The following SGCZ variants were observed in gnomAD, a reference collection of about 807,000 sequenced individuals.
The protein encoded by SGCZ is sarcoglycan zeta, also known as zeta-sarcoglycan.
SGCZ carries 40 observed loss-of-function variants against 41.3 expected under a neutral mutation model. The ratio of observed to expected loss-of-function variants is 0.97; its 90% CI spans 0.75 to 1.26. The LOEUF (loss-of-function observed/expected upper bound fraction) is 1.26. Among genes scored for constraint, SGCZ ranks in the 50% most tolerant of loss-of-function variants. The pLI is 0.00. For synonymous variants in SGCZ, 206 were observed against 137.5 expected (o/e 1.50, Z -3.49); for missense variants, 552 against 369.8 (o/e 1.49, Z -4.04).
At chr8:14,514,250 G>T (rs1802547717) in intron 2 of SGCZ, among the ~76,000 whole-genome samples, 1 of 152,010 alleles carries the variant, frequency 6.6e-6, no homozygotes, top group East Asian at 1.9e-4. Flanking sequence ...ACTTGATACG[G>T]TATCAGAGAT....
At chr8:15,004,734 G>GTGGA (rs1802540242) in intron 1 of SGCZ, among the ~76,000 whole-genome samples, 1 of 152,068 alleles carries the variant, frequency 6.6e-6, no homozygotes, top group Non-Finnish European at 1.5e-5. Flanking sequence ...CCACCTTCCC[G>GTGGA]ATAACAAAAG....
At chr8:14,554,464 G>A (rs1284650272) in intron 2 of SGCZ, among the ~76,000 whole-genome samples, 2 of 151,984 alleles carry the variant, frequency 1.3e-5, no homozygotes, top group East Asian at 1.9e-4. Flanking sequence ...CTGGTTAAAT[G>A]TTCTTGAAAT....
intron 4 of SGCZ, among the ~76,000 whole-genome samples, chr8:14,188,232 A>T (rs567353035): frequency 1.9e-4 from 29 of 152,354 alleles, no homozygotes; most frequent in Middle Eastern, 3.4e-3. Flanking sequence ...AAGTAATTCA[A>T]ACTTACACAA....
At chr8:14,855,731 T>G (rs1803525892) in intron 1 of SGCZ, among the ~76,000 whole-genome samples, 1 of 152,176 alleles carries the variant, frequency 6.6e-6, no homozygotes, top group African/African-American at 2.4e-5. Context: ...ATACTCTCCC[T>G]TCAGTTTTCA....
intron 2 of SGCZ, among the ~76,000 whole-genome samples, chr8:14,521,730 T>C (rs1313321929): frequency 1.3e-5 from 2 of 152,130 alleles, no homozygotes; most frequent in Non-Finnish European, 2.9e-5. Flanking sequence ...AACGGCTATA[T>C]CAATTTAGAA....
intron 2 of SGCZ, among the ~76,000 whole-genome samples, chr8:14,377,955 G>A (rs1320454051): frequency 6.7e-6 from 1 of 150,324 alleles, no homozygotes. Context: ...TTGGTTCCAA[G>A]TCTTTGCTAT....
chr8:14,233,418 A>G (rs541727227), intron 4 of SGCZ, among the ~76,000 whole-genome samples: 2 of 151,542 alleles, frequency 1.3e-5, no homozygotes, highest in African/African-American at 4.8e-5. Context: ...TATCAATGTA[A>G]TGTTATTGAT....
intron 3 of SGCZ, among the ~76,000 whole-genome samples, chr8:14,274,370 G>A (rs903901961): frequency 1.3e-5 from 2 of 152,028 alleles, no homozygotes; most frequent in African/African-American, 4.8e-5. Context: ...GGAGACAGTT[G>A]GTCCATAAAT....
intron 1 of SGCZ, among the ~76,000 whole-genome samples, chr8:14,670,572 AG>A (rs1808070587): frequency 6.6e-6 from 1 of 151,248 alleles, no homozygotes; most frequent in Non-Finnish European, 1.5e-5. Flanking sequence ...ATGGGATATG[AG>A]CAGATCTAAT....
chr8:15,113,448 G>C (rs1807148427), intron 1 of SGCZ, among the ~76,000 whole-genome samples: 1 of 151,954 alleles, frequency 6.6e-6, no homozygotes, highest in South Asian at 2.1e-4. Context: ...CCTTCACAAT[G>C]GGCTCTAAAT....
At chr8:14,948,541 A>G (rs1304076496) in intron 1 of SGCZ, among the ~76,000 whole-genome samples, 6 of 151,986 alleles carry the variant, frequency 3.9e-5, no homozygotes, top group African/African-American at 1.4e-4. Context: ...TCCCTTCTCA[A>G]TAAAAAGCAG....
intron 1 of SGCZ, among the ~76,000 whole-genome samples, chr8:14,657,530 T>C (rs1807615329): frequency 6.6e-6 from 1 of 152,154 alleles, no homozygotes; most frequent in Admixed American, 6.6e-5. Context: ...AATCATTTAA[T>C]TATTCAAATA....
chr8:15,003,744 A>G lies in SGCZ; in HGVS notation c.39+233841T>C, dbSNP rs570033773. ...TTATGACAAAAACTCCAACTTCCAGAGTGGTTCCAGAGAACTAATTTTTTG... is the reference window on the plus strand; with the variant it reads ...TTATGACAAAAACTCCAACTTCCAGGGTGGTTCCAGAGAACTAATTTTTTG... On this transcript the variant is annotated intron_variant, in intron 1 of 7. Transcript: ENST00000382080. Among the ~76,000 whole-genome samples, 12 of 152,290 alleles carry G rather than the reference A, an allele frequency of 7.9e-5. No homozygotes were observed. In the East Asian group the frequency reaches 2.1e-3, roughly 27 times the overall value.
At chr8:14,261,411 A>T (rs1799661426) in intron 3 of SGCZ, among the ~76,000 whole-genome samples, 1 of 152,192 alleles carries the variant, frequency 6.6e-6, no homozygotes, top group Admixed American at 6.5e-5. Context: ...TTGTTGTTAA[A>T]GAATTACCGT....
intron 3 of SGCZ, among the ~76,000 whole-genome samples, chr8:14,281,874 TTTTA>T (rs1184641134): frequency 6.6e-6 from 1 of 152,094 alleles, no homozygotes; most frequent in Non-Finnish European, 1.5e-5. Flanking sequence ...TGTTCTTTTT[TTTTA>T]TTATCTAAAC....
intron 2 of SGCZ, among the ~76,000 whole-genome samples, chr8:14,511,694 G>T (rs1002418774): frequency 6.6e-6 from 1 of 152,028 alleles, no homozygotes; most frequent in Admixed American, 6.6e-5. Flanking sequence ...AAGAATTTAG[G>T]GAAGAAAAGG....
intron 6 of SGCZ, among the ~76,000 whole-genome samples, chr8:14,103,872 G>A (rs1462437334): frequency 6.6e-6 from 1 of 152,052 alleles, no homozygotes; most frequent in Non-Finnish European, 1.5e-5. Flanking sequence ...TTTACTATTA[G>A]CATTTTACGC....
At chr8:15,226,693 C>G (rs754601429) in intron 1 of SGCZ, among the ~76,000 whole-genome samples, 9 of 152,120 alleles carry the variant, frequency 5.9e-5, no homozygotes, top group Non-Finnish European at 1.2e-4. Context: ...AATTCCAAAC[C>G]CACCCTGAAC....
At chr8:15,099,315 C>A (rs1421007043) in intron 1 of SGCZ, among the ~76,000 whole-genome samples, 1 of 152,106 alleles carries the variant, frequency 6.6e-6, no homozygotes, top group African/African-American at 2.4e-5. Flanking sequence ...AAACAAGGGG[C>A]TGGGCCATCA....
Sources: gnomAD v4.1 joint callset for allele counts (sites outside exome capture counted in the v4.1 genomes callset) on GRCh38, gnomAD v4.1.1 for gene constraint, MANE v1.5 for transcripts, NCBI Gene and HGNC (gene_info 2026-07-23, HGNC 2026-07-21) for gene names.